KCNT1: variants seen among roughly 807,000 people sequenced by gnomAD.
KCNT1 encodes the protein potassium sodium-activated channel subfamily T member 1, also known as potassium channel subfamily T member 1.
In KCNT1, 78 loss-of-function variants were observed where a neutral mutation model predicts 147.8. The ratio of observed to expected loss-of-function variants is 0.53; its 90% CI spans 0.44 to 0.64. KCNT1 has a LOEUF of 0.64. Ranked by LOEUF, KCNT1 falls within the 30% of genes least tolerant of loss-of-function variation. The pLI is 0.00. For synonymous variants in KCNT1, 867 were observed against 748.8 expected, an observed-to-expected ratio of 1.16 and a Z score of -2.58; for missense variants, 1,419 against 1,750.3, an observed-to-expected ratio of 0.81 and a Z score of 3.38.
intron 11 of KCNT1, among the ~76,000 whole-genome samples, chr9:135,764,241 A>G (rs555968296): frequency 6.6e-6 from 1 of 152,174 alleles, no homozygotes; most frequent in Non-Finnish European, 1.5e-5. Context: ...GGATCGCTTG[A>G]GCCCAGGAGT....
Position 135,765,071 on chromosome 9 carries a change from CA to C in KCNT1, c.1077del (p.Gly361AlafsTer30). On this transcript the variant is annotated frameshift_variant, in exon 12 of 31. Transcript: ENST00000371757. LOFTEE classifies it high-confidence loss of function. ...TACCTCTGGATGGAGCGGCAGAAGTCAGGGGGCAACTACAGCCGCCACCGTG... is the reference window on the plus strand; with the variant it reads ...TACCTCTGGATGGAGCGGCAGAAGTCGGGGGCAACTACAGCCGCCACCGTG... Reference protein sequence around the residue: ...LVYLWMERQKSGGNYSRHRAQ... With the variant: ...LVYLWMERQKXGGNYSRHRAQ... The C allele has an allele frequency of 6.2e-7, 1 of 1,613,180 alleles. No homozygotes were observed. Among genetic ancestry groups the C allele is most frequent in the African/African-American group, 1.3e-5 (1 of 75,038 alleles).
intron 13 of KCNT1, among the ~76,000 whole-genome samples, chr9:135,767,694 A>G (rs970386003): frequency 6.6e-6 from 1 of 152,034 alleles, no homozygotes. Flanking sequence ...GCTCCTGCCA[A>G]CCCTGGACCC....
At chr9:135,711,657 G>C (rs564784074) in intron 1 of KCNT1, among the ~76,000 whole-genome samples, 1 of 152,348 alleles carries the variant, frequency 6.6e-6, no homozygotes, top group South Asian at 2.1e-4. Context: ...CAGCTGACGG[G>C]GACTTCCTGT....
intron 11 of KCNT1, among the ~76,000 whole-genome samples, chr9:135,760,574 G>T (rs1831848873): frequency 6.6e-6 from 1 of 152,290 alleles, no homozygotes; most frequent in East Asian, 1.9e-4. Flanking sequence ...GCTGCAGGAT[G>T]CCGGGGAGAC....
At chr9:135,764,829 C>T (rs985512417) in intron 11 of KCNT1, among the ~76,000 whole-genome samples, 1 of 152,188 alleles carries the variant, frequency 6.6e-6, no homozygotes, top group Non-Finnish European at 1.5e-5. Flanking sequence ...CCAGCCGGGC[C>T]TGCGTCCTGC....
chr9:135,775,173 G>T, intron 19 of KCNT1, 137 bp from the exon 20 acceptor site: 1 of 579,972 alleles, frequency 1.7e-6, no homozygotes, highest in South Asian at 2.3e-5. Context: ...GCCACCTTGG[G>T]TCAGCTGTGC....
chr9:135,792,843 A>C lies in KCNT1; in HGVS notation c.*682A>C, dbSNP rs1834640660. 1 of 152,192 alleles carries C rather than the reference A, an allele frequency of 6.6e-6. No homozygotes were observed. Among genetic ancestry groups the C allele is most frequent in the Admixed American group, 6.5e-5 (1 of 15,288 alleles). The allele number at this position is 152,192 out of a possible 1,614,324, so 9.4% of individuals were successfully genotyped here. Reference sequence around the variant, plus strand: ...GAAGACGCCATTTCCTCTACTTCACACTGAACTGTCCCAGCCACTGCATCT... The same window carrying C: ...GAAGACGCCATTTCCTCTACTTCACCCTGAACTGTCCCAGCCACTGCATCT... On this transcript the variant is annotated 3_prime_UTR_variant, in exon 31 of 31. Coordinates refer to ENST00000371757, the MANE Select transcript of KCNT1 (RefSeq NM_020822.3).
At position 135,755,308 on chromosome 9, in the gene KCNT1, AACCCAGGCTCAGTGAGCACTGAGGACAG is replaced by A. The variant is rs1193584148; in HGVS notation, c.540+153_540+180del. Reference sequence around the variant, plus strand: ...CCAGTCTCAGTAAATGCTAAGAACAAACCCAGGCTCAGTGAGCACTGAGGACAGACCCAGGCTCAGTAAGCAGGGGACC... The same window carrying A: ...CCAGTCTCAGTAAATGCTAAGAACAAACCCAGGCTCAGTAAGCAGGGGACC... On this transcript the variant is annotated intron_variant, in intron 6 of 30. Coordinates refer to ENST00000371757, the MANE Select transcript of KCNT1 (RefSeq NM_020822.3). The A allele has an allele frequency of 3.2e-4, 196 of 620,750 alleles. 1 individual carries two copies. In the African/African-American group the frequency reaches 3.6e-3, roughly 11 times the overall value. The allele number at this position is 620,750 out of a possible 1,614,324, so 38.5% of individuals were successfully genotyped here. A position where few individuals can be genotyped will look rare whatever the true frequency, so the allele number is the denominator to read the frequency against.
chr9:135,792,098 G>T lies in KCNT1; in HGVS notation c.3645G>T (p.Lys1215Asn). ...TGGCCAGCAGCTCCCAGAGCCGGAA[G>T]AGCAGCTGCAGCCACAAGCTGTCGT... ...AHVASSSQSR[K>N]SSCSHKLSSC... Residue 1215 changes from lysine (K) to asparagine (N), a missense_variant, in exon 31 of 31, where the codon AAG becomes AAT. Physicochemically the swap from Lys to Asn is moderately conservative, Grantham distance 94. Transcript: ENST00000371757. The T allele has an allele frequency of 6.2e-7, 1 of 1,604,608 alleles. No homozygotes were observed.
In KCNT1 at chr9:135,770,342, G is replaced by A. The variant is rs764477306; in HGVS notation, c.1664G>A (p.Arg555His). ...SPEQWQRMYGRCSGNEVYHIR... is the reference protein window; with the variant it reads ...SPEQWQRMYGHCSGNEVYHIR... ...GAGCAGTGGCAGCGCATGTATGGGC[G>A]CTGCTCCGGCAACGAGGTGTACCAC... The change falls in exon 17 of 31, where the codon CGC becomes CAC. Residue 555 changes from arginine (R) to histidine (H), a missense_variant. Arg to His is a conservative substitution (Grantham distance 29). Transcript: ENST00000371757. The A allele has an allele frequency of 5.6e-6, 9 of 1,612,472 alleles. No homozygotes were observed. Among genetic ancestry groups the A allele is most frequent in the South Asian group, 2.2e-5 (2 of 90,998 alleles).
rs752544266 is a variant in KCNT1, at chr9:135,775,296, G to A, written c.2244-14G>A. ...CTGTGCAGCTGTGCTGAGGGCTCCT[G>A]TCTCCTGCCCCAGGTATGTGAAGGG... On this transcript the variant is annotated splice_polypyrimidine_tract_variant and intron_variant, in intron 19 of 30. Transcript: ENST00000371757. 1.3e-6 allele frequency: 2 copies of A among 1,596,854 alleles called. No homozygotes were observed. The highest frequency in any genetic ancestry group is 3.4e-5 in the Admixed American group (2 of 58,150).
chr9:135,750,293 G>A, intron 3 of KCNT1, 116 bp downstream of exon 3: 3 of 792,246 alleles, frequency 3.8e-6, no homozygotes, highest in Non-Finnish European at 6.4e-6. Context: ...CATGGGGTGG[G>A]AGCCACCTGA....
chr9:135,755,097 G>A (rs970866351), intron 5 of KCNT1, 24 bp from the exon 6 acceptor site: 3 of 1,602,752 alleles, frequency 1.9e-6, no homozygotes, highest in East Asian at 4.5e-5. Context: ...GTGCCCTACT[G>A]TGCTGCCTCC....
rs144658404 is a variant in KCNT1, at chr9:135,792,053, C to T, written c.3600C>T (p.Arg1200=). The T allele has an allele frequency of 4.4e-6, 7 of 1,604,036 alleles. No homozygotes were observed. The African/African-American group carries it at 6.7e-5, about 15-fold the overall frequency. Residue 1200 remains arginine (R), a synonymous_variant, in exon 31 of 31, where the codon CGC becomes CGT. Transcript: ENST00000371757. ...TGCCCTCCCGCAGCTATCTCATCCG[C>T]TCCGACCCCCTGGCTCACGTGGCCA... ...LEPSDIVYLI[R]SDPLAHVASS...
At chr9:135,785,400 C>A (rs748380184) in intron 28 of KCNT1, 70 bp downstream of exon 28, 7 of 1,556,806 alleles carry the variant, frequency 4.5e-6, no homozygotes, top group East Asian at 4.8e-5. Flanking sequence ...CATGGAGAAG[C>A]CTGCCAGGCC....
chr9:135,732,019 GA>G (rs1231382548), intron 2 of KCNT1, among the ~76,000 whole-genome samples: 21 of 130,138 alleles, frequency 1.6e-4, no homozygotes, highest in Admixed American at 3.1e-4. Context: ...GAGAGAGAGA[GA>G]GAGAGAGAGA....
intron 24 of KCNT1, among the ~76,000 whole-genome samples, chr9:135,783,748 C>A (rs1236650465): frequency 6.6e-6 from 1 of 152,256 alleles, no homozygotes; most frequent in Non-Finnish European, 1.5e-5. Context: ...CCATGGCAGC[C>A]GCCGGGAGTC....
At chr9:135,758,147 C>CGTGGGCCTCAG (rs1564353524) in intron 9 of KCNT1, among the ~76,000 whole-genome samples, 6 of 149,352 alleles carry the variant, frequency 4.0e-5, no homozygotes, top group Admixed American at 3.3e-4. Flanking sequence ...GTGGGCTGCC[C>CGTGGGCCTCAG]CGTGGGCCTC....
chr9:135,702,431 C>T lies in KCNT1; in HGVS notation c.110+63C>T. On this transcript the variant is annotated intron_variant, in intron 1 of 30. Coordinates refer to ENST00000371757, the MANE Select transcript of KCNT1 (RefSeq NM_020822.3). ...CGGTCTAACCTAAGACCCCCAAGTT[C>T]CCCCTCAGGCTCCCGCACCCTCCAG... 3 of 1,310,408 alleles carry T rather than the reference C, an allele frequency of 2.3e-6. No individual in the cohort carries two copies. In the South Asian group the frequency reaches 3.5e-5, roughly 15 times the overall value. 81.2% of individuals were successfully genotyped at this position (1,310,408 alleles called of 1,614,324 possible). A position where few individuals can be genotyped will look rare whatever the true frequency, so the allele number is the denominator to read the frequency against.
Sources: gnomAD v4.1 joint callset for allele counts (sites outside exome capture counted in the v4.1 genomes callset) on GRCh38, gnomAD v4.1.1 for gene constraint, MANE v1.5 for transcripts, NCBI Gene and HGNC (gene_info 2026-07-23, HGNC 2026-07-21) for gene names.